Variants in ENO1 observed in about 807,000 individuals in gnomAD.
The protein encoded by ENO1 is alpha-enolase.
Under a neutral mutation model 46.3 loss-of-function variants are expected in ENO1, and 33 were observed. The ratio of observed to expected loss-of-function variants is 0.71; its 90% confidence interval spans 0.54 to 0.95. ENO1 has a LOEUF of 0.95. Ranked by LOEUF, ENO1 falls within the 40% of genes least tolerant of loss-of-function variation. ENO1 has a pLI of 0.00. For missense variants in ENO1, 488 were observed against 553.3 expected, an observed-to-expected ratio of 0.88 and a Z score of 1.18; for synonymous variants, 220 against 216.0, an observed-to-expected ratio of 1.02 and a Z score of -0.16.
rs1279534898 is a variant in ENO1, at chr1:8,866,473, T to C, written c.473A>G (p.His158Arg). ...PAFNVINGGS[H>R]AGNKLAMQEF... ...CTGCATGGCCAGCTTGTTGCCAGCA[T>C]GAGAACCGCCATTGATGACATTGAA... Residue 158 changes from histidine to arginine, a missense_variant, in exon 7 of 12, where the codon CAT (histidine) becomes CGT (arginine). Transcript: ENST00000234590. 1 of 1,613,988 alleles carries C rather than the reference T, an allele frequency of 6.2e-7. No individual in the cohort carries two copies. The highest frequency in any genetic ancestry group is 1.3e-5 in the African/African-American group (1 of 74,920).
At chr1:8,870,815 A>C (rs558519183) in intron 3 of ENO1, 1 of 1,378,596 alleles carries the variant, frequency 7.3e-7, no homozygotes, top group Admixed American at 2.9e-5. Context: ...AAGGCTGTTC[A>C]ATCAGTTACC....
chr1:8,866,076 C>CAAAAAAA (rs70985533), intron 7 of ENO1: 2 of 365,556 alleles, frequency 5.5e-6, no homozygotes, highest in Admixed American at 4.9e-5. Flanking sequence ...GACTCCATCT[C>CAAAAAAA]AAAAAAAAAA....
rs775747323 is a variant in ENO1 at position 8,865,297 on chromosome 1, T to C, written c.853A>G (p.Lys285Glu). ...GGGGAACACTCACCTGGGTAGTCCTTGATGAAGGACTTGTACAGGTCAGCC... is the reference window on the plus strand; with the variant it reads ...GGGGAACACTCACCTGGGTAGTCCTCGATGAAGGACTTGTACAGGTCAGCC... Reference protein sequence around the residue: ...QLADLYKSFIKDYPVVSIEDP... With the variant: ...QLADLYKSFIEDYPVVSIEDP... The change falls in exon 8 of 12, where the codon AAG becomes GAG. Residue 285 changes from lysine to glutamate, a missense_variant. Physicochemically the swap from Lys to Glu is moderately conservative, Grantham distance 56 (BLOSUM62 1). Coordinates refer to ENST00000234590, the MANE Select transcript of ENO1 (RefSeq NM_001428.5). 3.1e-6 allele frequency: 5 copies of C among 1,614,104 alleles called. No homozygotes were observed. Among genetic ancestry groups the C allele is most frequent in the Non-Finnish European group, 3.4e-6 (4 of 1,179,998 alleles).
chr1:8,868,166 C>A, intron 4 of ENO1, 109 bp from the exon 5 acceptor site: 1 of 824,760 alleles, frequency 1.2e-6, no homozygotes, highest in Non-Finnish European at 1.9e-6. Flanking sequence ...AAAATCAATT[C>A]TGTGATGTTT....
chr1:8,869,040 T>TG (rs1642579107), intron 4 of ENO1, among the ~76,000 whole-genome samples: 1 of 152,188 alleles, frequency 6.6e-6, no homozygotes, highest in Non-Finnish European at 1.5e-5. Flanking sequence ...GCATTATTTT[T>TG]ATCTATGATG....
chr1:8,863,243 T>C lies in ENO1; in HGVS notation c.1168A>G (p.Thr390Ala), dbSNP rs762479923. ...FIADLVVGLC[T>A]GQIKTGAPCR... ...GAGACGCTCATTCTTACCTGCCCAG[T>C]GCACAGCCCCACAACCAGGTCAGCG... Residue 390 changes from threonine to alanine, a missense_variant, in exon 10 of 12, where the codon ACT (threonine) becomes GCT (alanine). Thr to Ala is a moderately conservative substitution (Grantham distance 58). Transcript: ENST00000234590. 1 of 1,614,096 alleles carries C rather than the reference T, an allele frequency of 6.2e-7. No homozygotes were observed. The highest frequency in any genetic ancestry group is 8.5e-7 in the Non-Finnish European group (1 of 1,180,014).
At chr1:8,867,428 A>G (rs1333731357) in intron 5 of ENO1, among the ~76,000 whole-genome samples, 178 bp from the exon 6 acceptor site, 2 of 152,214 alleles carry the variant, frequency 1.3e-5, no homozygotes. Context: ...TTTCCCCTCT[A>G]AGACAGAGCC....
At chr1:8,863,385 C>A in intron 9 of ENO1, 42 bp from the exon 10 acceptor site, 1 of 1,580,586 alleles carries the variant, frequency 6.3e-7, no homozygotes, top group Non-Finnish European at 8.6e-7. Context: ...ATCCCATTTT[C>A]TGGTTCCATA....
At chr1:8,863,805 G>A (rs981732152) in intron 9 of ENO1, 86 bp downstream of exon 9, 76 of 1,430,522 alleles carry the variant, frequency 5.3e-5, no homozygotes, top group Non-Finnish European at 7.2e-5. Flanking sequence ...TGGCCAGCAG[G>A]ATTCCCCATC....
At chr1:8,863,795 TG>T in intron 9 of ENO1, 95 bp downstream of exon 9, 2 of 1,368,226 alleles carry the variant, frequency 1.5e-6, no homozygotes, top group Non-Finnish European at 2.1e-6. Flanking sequence ...TCCTACATTC[TG>T]GCCAGCAGGA....
intron 8 of ENO1, among the ~76,000 whole-genome samples, chr1:8,864,401 A>G (rs1273566693): frequency 6.6e-6 from 1 of 152,154 alleles, no homozygotes; most frequent in African/African-American, 2.4e-5. Flanking sequence ...CCTGGGATCA[A>G]ATGATCCTCC....
chr1:8,876,216 A>T (rs1408530708), intron 1 of ENO1: 1 of 152,160 alleles, frequency 6.6e-6, no homozygotes, highest in Non-Finnish European at 1.5e-5. Flanking sequence ...CCCCTCCAAC[A>T]TCTTCTCTGG....
intron 4 of ENO1, 62 bp from the exon 5 acceptor site, chr1:8,868,119 C>A: frequency 8.3e-7 from 1 of 1,203,996 alleles, no homozygotes; most frequent in Non-Finnish European, 1.2e-6. Context: ...CCTTTGCTCC[C>A]CTACCATGGA....
intron 9 of ENO1, among the ~76,000 whole-genome samples, chr1:8,863,633 C>A (rs752914205): frequency 2.6e-5 from 4 of 152,220 alleles, no homozygotes; most frequent in African/African-American, 4.8e-5. Flanking sequence ...CAGAATACAA[C>A]TACTTGCTAT....
At chr1:8,864,150 A>G in intron 8 of ENO1, 58 bp from the exon 9 acceptor site, 2 of 1,583,340 alleles carry the variant, frequency 1.3e-6, no homozygotes, top group South Asian at 1.1e-5. Context: ...CTCCACCGCA[A>G]TGCCCAGCCT....
At chr1:8,873,354 G>C (rs1642670976) in intron 2 of ENO1, among the ~76,000 whole-genome samples, 1 of 152,220 alleles carries the variant, frequency 6.6e-6, no homozygotes, top group South Asian at 2.1e-4. Context: ...GGGAGAGAGA[G>C]AGATGAAAGG....
rs1557581791 is a variant in ENO1 at position 8,867,057 on chromosome 1, C to G, written c.444+60G>C. ...TATCAAGGCATAGGAGGTCTCGGGT[C>G]CCCAACAGCAAGCTGAAACCCCCAA... is the stretch of plus-strand genomic sequence containing the variant. On this transcript the variant is annotated intron_variant, in intron 6 of 11. Transcript: ENST00000234590. 3 of 1,588,396 alleles carry G rather than the reference C, an allele frequency of 1.9e-6. No individual in the cohort carries two copies. The Admixed American group carries it at 5.1e-5, about 27-fold the overall frequency.
intron 5 of ENO1, 69 bp downstream of exon 5, chr1:8,867,919 G>T: frequency 7.1e-7 from 1 of 1,405,374 alleles, no homozygotes; most frequent in Non-Finnish European, 1.0e-6. Flanking sequence ...GCCTCTTCCT[G>T]AAAGGTTTTA....
At position 8,867,241 on chromosome 1, in the gene ENO1, C is replaced by CA; in HGVS notation, c.319_320insT (p.Gly107ValfsTer19). On this transcript the variant is annotated frameshift_variant, in exon 6 of 12. Transcript: ENST00000234590. LOFTEE classifies it high-confidence loss of function. ...GGACACCCCCAGAATGGCGTTCGCA[C>CA]CAAACTTAGCTAGAACAGAAGAGAA... The CA allele has an allele frequency of 6.2e-7, 1 of 1,614,104 alleles. No individual in the cohort carries two copies. Among genetic ancestry groups the CA allele is most frequent in the Non-Finnish European group, 8.5e-7 (1 of 1,179,990 alleles).
Sources: allele counts gnomAD v4.1 joint callset (sites outside exome capture counted in the v4.1 genomes callset), GRCh38; gene constraint gnomAD v4.1.1; transcripts MANE v1.5; gene names NCBI Gene and HGNC (gene_info 2026-07-23, HGNC 2026-07-21).